WIPF2: variants seen among roughly 807,000 people sequenced by gnomAD.
WIPF2 encodes the protein WAS/WASL interacting protein family member 2.
In WIPF2, 23 loss-of-function variants were observed where a neutral mutation model predicts 38.8. The ratio of observed to expected loss-of-function variants is 0.59; its 90% confidence interval spans 0.43 to 0.84. The LOEUF is 0.84. WIPF2 is among the 40% of genes least tolerant of loss of function. The pLI is 0.00. For missense variants in WIPF2, 574 were observed against 580.5 expected, an observed-to-expected ratio of 0.99 and a Z score of 0.11; for synonymous variants, 210 against 223.2, an observed-to-expected ratio of 0.94 and a Z score of 0.53.
At chr17:40,238,391 C>T (rs1252180929) in intron 1 of WIPF2, among the ~76,000 whole-genome samples, 1 of 151,908 alleles carries the variant, frequency 6.6e-6, no homozygotes, top group South Asian at 2.1e-4. Context: ...GCAACATCTG[C>T]CTCCCCAGTT....
rs1293469789 is a variant in WIPF2 at position 40,243,281 on chromosome 17, GTA to G, written c.-69-13107_-69-13106del. On this transcript the variant is annotated intron_variant, in intron 1 of 7. Coordinates refer to ENST00000323571, the MANE Select transcript of WIPF2 (RefSeq NM_133264.5). Reference sequence around the variant, plus strand: ...ATTAACATTAGTGTCACTGCAGTTGGTATACAAACCCCCCACTGCTAAATTTG... The same window carrying G: ...ATTAACATTAGTGTCACTGCAGTTGGTACAAACCCCCCACTGCTAAATTTG... Among the ~76,000 whole-genome samples the G allele has an allele frequency of 2.0e-5, 3 of 152,052 alleles. No individual in the cohort carries two copies. The East Asian group carries it at 5.8e-4, about 29-fold the overall frequency.
At chr17:40,274,599 A>G (rs1194000698) in intron 6 of WIPF2, among the ~76,000 whole-genome samples, 1 of 145,384 alleles carries the variant, frequency 6.9e-6, no homozygotes, top group African/African-American at 2.5e-5. Flanking sequence ...GAAAAGTCCC[A>G]TGGCACATTG....
At position 40,283,576 on chromosome 17, in the gene WIPF2, C is replaced by T. The variant is rs1279861428; in HGVS notation, c.*5351C>T. The T allele has an allele frequency of 6.6e-6, 1 of 152,198 alleles. No homozygotes were observed. 9.4% of individuals were successfully genotyped at this position (152,198 alleles called of 1,614,324 possible). On this transcript the variant is annotated 3_prime_UTR_variant, in exon 8 of 8. Transcript: ENST00000323571. ...CTTATTTTATATTTCCACCTAACTC[C>T]CCTTTGCCCACGATTTCAGGGAACC...
intron 5 of WIPF2, among the ~76,000 whole-genome samples, chr17:40,267,969 C>G (rs2032143133): frequency 6.6e-6 from 1 of 151,926 alleles, no homozygotes; most frequent in African/African-American, 2.4e-5. Flanking sequence ...ATGGCAAAAC[C>G]CTGTCTCTAC....
intron 2 of WIPF2, among the ~76,000 whole-genome samples, chr17:40,258,842 G>GT (rs1350685403): frequency 6.6e-6 from 1 of 151,282 alleles, no homozygotes; most frequent in Non-Finnish European, 1.5e-5. Flanking sequence ...TGCAGTGGTT[G>GT]TGATCATAAC....
At chr17:40,226,291 C>T (rs556707310) in intron 1 of WIPF2, among the ~76,000 whole-genome samples, 21 of 151,666 alleles carry the variant, frequency 1.4e-4, no homozygotes, top group Non-Finnish European at 3.1e-4. Flanking sequence ...GCAACCTCCA[C>T]CTCCCGGGTT....
At chr17:40,252,387 G>C in intron 1 of WIPF2, among the ~76,000 whole-genome samples, 1 of 152,144 alleles carries the variant, frequency 6.6e-6, no homozygotes, top group East Asian at 1.9e-4. Flanking sequence ...ACCCAGGCCG[G>C]GCATGGTGGC....
chr17:40,249,315 G>T (rs559209582), intron 1 of WIPF2, among the ~76,000 whole-genome samples: 1 of 152,104 alleles, frequency 6.6e-6, no homozygotes, highest in South Asian at 2.1e-4. Context: ...CATTTATCAC[G>T]TGTAAAGGGT....
intron 1 of WIPF2, among the ~76,000 whole-genome samples, chr17:40,226,228 G>A (rs993477063): frequency 2.0e-5 from 3 of 149,184 alleles, no homozygotes; most frequent in African/African-American, 7.4e-5. Flanking sequence ...TTTTGAGATG[G>A]AGTCTCGTTC....
rs565279026 is a variant in WIPF2 at position 40,236,506 on chromosome 17, A to G, written c.-70+17014A>G. 2.1e-5 allele frequency among the ~76,000 whole-genome samples: 3 copies of G among 143,810 alleles called. No homozygotes were observed. In the Admixed American group the frequency reaches 2.1e-4, roughly 10 times the overall value. 94.3% of individuals were successfully genotyped at this position (143,810 alleles called of 152,430 possible). A position where few individuals can be genotyped will look rare whatever the true frequency, so the allele number is the denominator to read the frequency against. On this transcript the variant is annotated intron_variant, in intron 1 of 7. Coordinates refer to ENST00000323571, the MANE Select transcript of WIPF2 (RefSeq NM_133264.5). ...GCGTGTGTAGAGATGGAGTTTTGCC[A>G]TATCAGCCAGGCTGGTCTCGAACTC...
chr17:40,269,472 C>G (rs983305214), intron 5 of WIPF2, among the ~76,000 whole-genome samples: 7 of 151,554 alleles, frequency 4.6e-5, no homozygotes, highest in Non-Finnish European at 7.4e-5. Context: ...GATCACGCCA[C>G]TGCACTCCAG....
chr17:40,264,586 A>T lies in WIPF2; in HGVS notation c.410A>T (p.Asp137Val), dbSNP rs1424376912. 1.9e-6 allele frequency: 3 copies of T among 1,614,112 alleles called. No homozygotes were observed. In the South Asian group the frequency reaches 3.3e-5, roughly 18 times the overall value. ...VSAASGRPQDDTDSSRASLPE... is the reference protein window; with the variant it reads ...VSAASGRPQDVTDSSRASLPE... ...GCCGCCAGCGGGCGTCCTCAGGATG[A>T]TACAGACAGCAGCCGGGCCTCACTC... Residue 137 changes from aspartate (D) to valine (V), a missense_variant, in exon 5 of 8, where the codon GAT becomes GTT. By Grantham distance (152) the Asp-to-Val change is radical (BLOSUM62 -3). Coordinates refer to ENST00000323571, the MANE Select transcript of WIPF2 (RefSeq NM_133264.5).
At chr17:40,251,360 A>G (rs1297662502) in intron 1 of WIPF2, among the ~76,000 whole-genome samples, 2 of 151,304 alleles carry the variant, frequency 1.3e-5, no homozygotes, top group Non-Finnish European at 2.9e-5. Flanking sequence ...TTTTAACTCA[A>G]AGTAGTTCTC....
intron 1 of WIPF2, among the ~76,000 whole-genome samples, chr17:40,249,771 G>A (rs2031491812): frequency 6.6e-6 from 1 of 151,784 alleles, no homozygotes; most frequent in Non-Finnish European, 1.5e-5. Flanking sequence ...GTTTTTAAAA[G>A]TGCATTACTT....
At chr17:40,261,691 G>GTTT (rs1169332747) in intron 3 of WIPF2, among the ~76,000 whole-genome samples, 1 of 118,280 alleles carries the variant, frequency 8.5e-6, no homozygotes, top group Non-Finnish European at 1.8e-5. Context: ...GGTTTTTTTT[G>GTTT]TTTTTTTTTT....
intron 2 of WIPF2, among the ~76,000 whole-genome samples, chr17:40,260,105 A>G (rs936286693): frequency 1.3e-5 from 2 of 151,976 alleles, no homozygotes; most frequent in Non-Finnish European, 1.5e-5. Flanking sequence ...ATGTATATCT[A>G]ATGAGGTTAG....
chr17:40,245,184 C>T (rs886404395), intron 1 of WIPF2, among the ~76,000 whole-genome samples: 8 of 152,046 alleles, frequency 5.3e-5, no homozygotes, highest in African/African-American at 1.7e-4. Context: ...TTATGATTCT[C>T]TGTTTTTTTT....
At chr17:40,274,931 CAAAAA>C (rs777312230) in intron 6 of WIPF2, among the ~76,000 whole-genome samples, 2 of 45,580 alleles carry the variant, frequency 4.4e-5, no homozygotes, top group Non-Finnish European at 8.9e-5. Context: ...GAATCTGTCT[CAAAAA>C]AAAAAAAAAA....
intron 1 of WIPF2, among the ~76,000 whole-genome samples, chr17:40,241,698 G>A (rs564873331): frequency 2.0e-4 from 31 of 152,280 alleles, no homozygotes; most frequent in African/African-American, 7.5e-4. Context: ...GAAAACAGAT[G>A]TCCTAATCTG....
Sources: gnomAD v4.1 joint callset for allele counts (sites outside exome capture counted in the v4.1 genomes callset) on GRCh38, gnomAD v4.1.1 for gene constraint, MANE v1.5 for transcripts, NCBI Gene and HGNC (gene_info 2026-07-23, HGNC 2026-07-21) for gene names.